TCF7L2: variants seen among roughly 807,000 people sequenced by gnomAD.
TCF7L2 encodes the protein transcription factor 7 like 2, also known as transcription factor 7-like 2.
In TCF7L2, 23 loss-of-function variants were observed where a neutral mutation model predicts 77.9. That is an observed-to-expected ratio of 0.30 (90% CI 0.21 to 0.42). The LOEUF (loss-of-function observed/expected upper bound fraction) is 0.42. Among genes scored for constraint, TCF7L2 ranks in the 10% least tolerant of loss-of-function variants. The pLI, the probability that TCF7L2 is intolerant of heterozygous loss-of-function variation, is 1.00. For missense variants in TCF7L2, 654 were observed against 793.1 expected (o/e 0.82, Z 2.11); for synonymous variants, 413 against 340.2 (o/e 1.21, Z -2.36).
intron 5 of TCF7L2, among the ~76,000 whole-genome samples, chr10:113,060,563 G>A (rs966454247): frequency 2.0e-5 from 3 of 152,082 alleles, no homozygotes; most frequent in Non-Finnish European, 4.4e-5. Flanking sequence ...CTCTCCAAGC[G>A]AGGGGTTTGC....
intron 13 of TCF7L2, chr10:113,161,377 C>G: frequency 1.7e-6 from 1 of 605,574 alleles, no homozygotes. Flanking sequence ...AGCATTGGTT[C>G]CAAAAGGAAT....
chr10:113,145,914 G>A, intron 7 of TCF7L2, 97 bp from the exon 8 acceptor site: 1 of 1,002,016 alleles, frequency 1.0e-6, no homozygotes, highest in Non-Finnish European at 1.6e-6. Context: ...TGAGAATAAA[G>A]CTTACTGTGC....
chr10:113,165,264 G>T (rs1005761407), intron 13 of TCF7L2, among the ~76,000 whole-genome samples: 1 of 152,172 alleles, frequency 6.6e-6, no homozygotes, highest in East Asian at 1.9e-4. Context: ...TGCTGCTCTC[G>T]TATATAATTT....
intron 5 of TCF7L2, among the ~76,000 whole-genome samples, chr10:113,085,879 T>C (rs890988543): frequency 1.3e-5 from 2 of 152,246 alleles, no homozygotes; most frequent in Non-Finnish European, 2.9e-5. Flanking sequence ...CTGTTCAGCA[T>C]CTGTGGTCTC....
intron 5 of TCF7L2, among the ~76,000 whole-genome samples, chr10:113,058,057 A>G (rs1303320063): frequency 2.0e-5 from 3 of 152,140 alleles, no homozygotes; most frequent in African/African-American, 4.8e-5. Flanking sequence ...GGAAGAAGTT[A>G]ATGTCTTGCG....
At chr10:112,951,651 C>T (rs1286934499) in intron 3 of TCF7L2, 44 bp downstream of exon 3, 24 of 1,062,790 alleles carry the variant, frequency 2.3e-5, no homozygotes, top group African/African-American at 3.5e-5. Flanking sequence ...CCCGCCCGCC[C>T]GCGCCGCCCG....
intron 5 of TCF7L2, among the ~76,000 whole-genome samples, chr10:113,096,488 C>A (rs1261914182): frequency 6.6e-6 from 1 of 152,214 alleles, no homozygotes; most frequent in Non-Finnish European, 1.5e-5. Context: ...CATCATCTTT[C>A]ACCTTTTACT....
chr10:113,093,348 AG>A (rs2060597779), intron 5 of TCF7L2, among the ~76,000 whole-genome samples: 1 of 152,206 alleles, frequency 6.6e-6, no homozygotes, highest in Admixed American at 6.5e-5. Context: ...CTGGGAATGA[AG>A]GGCCATGGTT....
chr10:113,073,129 T>TGTGTGTGTGAGAGAGA (rs56927661), intron 5 of TCF7L2, among the ~76,000 whole-genome samples: 26 of 123,584 alleles, frequency 2.1e-4, no homozygotes, highest in East Asian at 1.4e-3. Context: ...TGTGTGTGTG[T>TGTGTGTGTGAGAGAGA]GAGAGAGAGA....
chr10:113,141,079 C>T (rs2068289972), intron 5 of TCF7L2, 105 bp from the exon 6 acceptor site: 2 of 1,439,132 alleles, frequency 1.4e-6, no homozygotes, highest in African/African-American at 1.4e-5. Context: ...CTTAGAAAAT[C>T]CAGGTGAGAG....
At chr10:113,105,206 G>A (rs143571173) in intron 5 of TCF7L2, among the ~76,000 whole-genome samples, 4 of 152,152 alleles carry the variant, frequency 2.6e-5, no homozygotes, top group African/African-American at 9.7e-5. Context: ...GCCAGGCAGG[G>A]TTCTGGTGTT....
intron 11 of TCF7L2, among the ~76,000 whole-genome samples, chr10:113,155,233 C>T (rs1219612202): frequency 6.6e-6 from 1 of 152,134 alleles, no homozygotes; most frequent in Admixed American, 6.6e-5. Context: ...GAGAAAACAT[C>T]TTGAGTCCCA....
intron 5 of TCF7L2, among the ~76,000 whole-genome samples, chr10:113,093,518 T>C (rs1445398638): frequency 5.9e-5 from 9 of 152,218 alleles, no homozygotes; most frequent in Admixed American, 5.9e-4. Flanking sequence ...TCTCAACAAT[T>C]GTACTTTCTG....
intron 5 of TCF7L2, among the ~76,000 whole-genome samples, chr10:113,085,880 C>T (rs1338410561): frequency 6.6e-6 from 1 of 152,238 alleles, no homozygotes; most frequent in Admixed American, 6.5e-5. Context: ...TGTTCAGCAT[C>T]TGTGGTCTCT....
intron 5 of TCF7L2, among the ~76,000 whole-genome samples, chr10:113,085,642 C>A (rs964980579): frequency 9.2e-5 from 14 of 152,294 alleles, no homozygotes; most frequent in African/African-American, 2.6e-4. Flanking sequence ...GGGTGGCATA[C>A]CTTGATTCTT....
intron 5 of TCF7L2, 116 bp from the exon 6 acceptor site, chr10:113,141,068 T>C: frequency 7.6e-7 from 1 of 1,308,130 alleles, no homozygotes; most frequent in South Asian, 1.4e-5. Flanking sequence ...GTTGAGTGCA[T>C]CTTAGAAAAT....
In TCF7L2 at chr10:113,144,086, TTCTGTGTGTGTG is replaced by T. The variant is rs889785383; in HGVS notation, c.788+75_788+86del. 48 of 1,340,304 alleles carry T rather than the reference TTCTGTGTGTGTG, an allele frequency of 3.6e-5. 1 individual carries two copies. The highest frequency in any genetic ancestry group is 1.8e-4 in the African/African-American group (11 of 60,304). The allele number at this position is 1,340,304 out of a possible 1,614,324, so 83.0% of individuals were successfully genotyped here. On this transcript the variant is annotated intron_variant, in intron 7 of 13. Transcript: ENST00000627217. ...CTTACATGGGCATGTTTATTATTTA[TTCTGTGTGTGTG>T]TCTGTGTGTGTGTGTGTGTGTGTGT...
chr10:113,126,991 T>TCTCA (rs1276684697), intron 5 of TCF7L2: 1 of 919,454 alleles, frequency 1.1e-6, no homozygotes, highest in African/African-American at 1.8e-5. Flanking sequence ...GCATGCATGC[T>TCTCA]CTCAGCCTTT....
rs533434318 is a variant in TCF7L2 at position 113,161,449 on chromosome 10, C to G, written c.1391+758C>G. ...GTTCCACCTGCAGGTCTCCATCCAGCCTGCATTCTCAGGGAAAGTGTAGGT... is the reference window on the plus strand; with the variant it reads ...GTTCCACCTGCAGGTCTCCATCCAGGCTGCATTCTCAGGGAAAGTGTAGGT... On this transcript the variant is annotated intron_variant, in intron 13 of 13. Transcript: ENST00000627217. The G allele has an allele frequency of 6.1e-6, 6 of 988,854 alleles. No homozygotes were observed. The South Asian group carries it at 8.7e-5, about 14-fold the overall frequency. 61.3% of individuals were successfully genotyped at this position (988,854 alleles called of 1,614,324 possible). A position where few individuals can be genotyped will look rare whatever the true frequency, so the allele number is the denominator to read the frequency against.
Sources: gnomAD v4.1 joint callset for allele counts (sites outside exome capture counted in the v4.1 genomes callset) on GRCh38, gnomAD v4.1.1 for gene constraint, MANE v1.5 for transcripts, NCBI Gene and HGNC (gene_info 2026-07-23, HGNC 2026-07-21) for gene names.